The following ST7 variants were observed in gnomAD, a reference collection of about 807,000 sequenced individuals.
The protein encoded by ST7 is suppression of tumorigenicity 7, also known as suppressor of tumorigenicity 7 protein.
A neutral mutation model predicts 78.7 loss-of-function variants in ST7; 28 were observed. That is an observed-to-expected ratio of 0.36 (90% CI 0.26 to 0.49). The LOEUF (loss-of-function observed/expected upper bound fraction) is 0.49. ST7 is among the 20% of genes least tolerant of loss of function. The pLI, the probability that ST7 is intolerant of heterozygous loss-of-function variation, is 0.99. For missense variants in ST7, 418 were observed against 696.0 expected, an observed-to-expected ratio of 0.60 and a Z score of 4.49; for synonymous variants, 247 against 249.6, an observed-to-expected ratio of 0.99 and a Z score of 0.10.
intron 1 of ST7, among the ~76,000 whole-genome samples, chr7:117,056,748 C>T (rs1798084768): frequency 6.6e-6 from 1 of 152,026 alleles, no homozygotes; most frequent in Non-Finnish European, 1.5e-5. Context: ...AGAAATATAG[C>T]CAATCTATTG....
intron 1 of ST7, among the ~76,000 whole-genome samples, chr7:116,988,253 T>A (rs1032712742): frequency 1.3e-5 from 2 of 152,182 alleles, no homozygotes; most frequent in African/African-American, 4.8e-5. Context: ...AACTTGGAGG[T>A]CAGAGTGTTT....
intron 1 of ST7, chr7:117,020,692 G>A: frequency 6.5e-7 from 1 of 1,545,888 alleles, no homozygotes. Flanking sequence ...GGTTTCATTG[G>A]CTTAGAGTTC....
chr7:116,954,068 TC>T (rs1368337362), intron 1 of ST7: 2 of 151,784 alleles, frequency 1.3e-5, no homozygotes, highest in African/African-American at 4.8e-5. Context: ...CTCCGAGGGT[TC>T]CCCGGAGTTA....
intron 12 of ST7, among the ~76,000 whole-genome samples, chr7:117,208,399 C>T (rs543546591): frequency 1.3e-5 from 2 of 152,248 alleles, no homozygotes; most frequent in South Asian, 4.1e-4. Context: ...TATCAGTGTC[C>T]TCCTGCTGCT....
intron 12 of ST7, among the ~76,000 whole-genome samples, chr7:117,204,114 T>A (rs1791507581): frequency 6.6e-6 from 1 of 152,212 alleles, no homozygotes; most frequent in African/African-American, 2.4e-5. Flanking sequence ...TTAGCCCAGG[T>A]CTCTTCAACT....
chr7:117,214,155 C>T (rs935224804), intron 13 of ST7, among the ~76,000 whole-genome samples: 1 of 152,142 alleles, frequency 6.6e-6, no homozygotes, highest in East Asian at 1.9e-4. Flanking sequence ...GCCTGCCGAC[C>T]ACAACTGTGA....
At chr7:117,132,573 T>C (rs1195584410) in intron 6 of ST7, among the ~76,000 whole-genome samples, 2 of 151,686 alleles carry the variant, frequency 1.3e-5, no homozygotes, top group South Asian at 2.1e-4. Flanking sequence ...GAACCACCCA[T>C]CTGGTGCTTG....
intron 1 of ST7, chr7:117,076,677 A>G (rs1025756598): frequency 6.6e-5 from 10 of 152,524 alleles, no homozygotes; most frequent in African/African-American, 2.4e-4. Flanking sequence ...AGCTGGAGTG[A>G]GCACTTTTGG....
At chr7:117,114,935 C>G (rs906623743) in intron 2 of ST7, among the ~76,000 whole-genome samples, 2 of 152,236 alleles carry the variant, frequency 1.3e-5, no homozygotes, top group Non-Finnish European at 2.9e-5. Context: ...ACCTGGGTCT[C>G]TGCCCCCAGC....
chr7:117,002,639 CTGTGTGTGTGTGTGTGTGTG>C (rs140099821), intron 1 of ST7, among the ~76,000 whole-genome samples: 1 of 145,830 alleles, frequency 6.9e-6, no homozygotes, highest in African/African-American at 2.5e-5. Flanking sequence ...GTAGTTGAGG[CTGTGTGTGTGTGTGTGTGTG>C]TGTGTGTTTG....
chr7:117,169,694 T>C (rs1807838131), intron 9 of ST7, among the ~76,000 whole-genome samples: 1 of 152,172 alleles, frequency 6.6e-6, no homozygotes, highest in South Asian at 2.1e-4. Flanking sequence ...ATCTTGCTAC[T>C]GTACCTGGGC....
At chr7:116,991,623 A>G (rs1046248402) in intron 1 of ST7, among the ~76,000 whole-genome samples, 1 of 152,204 alleles carries the variant, frequency 6.6e-6, no homozygotes, top group African/African-American at 2.4e-5. Context: ...ACAATTCAAG[A>G]TGAGATTTGG....
At chr7:117,218,958 G>A (rs746522935) in intron 13 of ST7, 126 bp from the exon 14 acceptor site, 16 of 670,186 alleles carry the variant, frequency 2.4e-5, no homozygotes, top group Non-Finnish European at 3.7e-5. Flanking sequence ...ATAGCTTGGT[G>A]GGGTAAGCCT....
Position 117,219,272 on chromosome 7 carries a change from T to C in ST7, c.1498+96T>C. 1 of 985,066 alleles carries C rather than the reference T, an allele frequency of 1.0e-6. No homozygotes were observed. Among genetic ancestry groups the C allele is most frequent in the South Asian group, 1.6e-5 (1 of 62,948 alleles). The allele number at this position is 985,066 out of a possible 1,614,324, so 61.0% of individuals were successfully genotyped here. A position where few individuals can be genotyped will look rare whatever the true frequency, so the allele number is the denominator to read the frequency against. On this transcript the variant is annotated intron_variant, in intron 14 of 15. Coordinates refer to ENST00000323984, the MANE Select transcript of ST7 (RefSeq NM_001369598.1). This position sits in a 1 kb window ranked among gnomAD's most constrained non-coding sequence, Gnocchi z 5.1. ...CAAAGTTTAGAATGCTCCTTGTCTT[T>C]TATTACTTTTCTCCAAACCCCTGTC...
chr7:117,077,765 T>C (rs1248188561), intron 1 of ST7, among the ~76,000 whole-genome samples: 3 of 152,142 alleles, frequency 2.0e-5, no homozygotes, highest in Non-Finnish European at 4.4e-5. Context: ...AAAATACCTA[T>C]GTTATCAAAT....
chr7:117,059,684 T>C (rs943470791), intron 1 of ST7, among the ~76,000 whole-genome samples: 2 of 151,712 alleles, frequency 1.3e-5, no homozygotes, highest in African/African-American at 4.8e-5. Flanking sequence ...TTAAATCAGA[T>C]TCTTGGCCAG....
At position 117,170,989 on chromosome 7, in the gene ST7, G is replaced by T; in HGVS notation, c.1078+13G>T. ...GCAAAGTATGATGGTAAGTTCTTGG[G>T]TATTTTTATTTACTTGACTATTCCT... On this transcript the variant is annotated intron_variant, in intron 10 of 15. Coordinates refer to ENST00000323984, the MANE Select transcript of ST7 (RefSeq NM_001369598.1). The T allele has an allele frequency of 6.5e-7, 1 of 1,547,182 alleles. No homozygotes were observed. The highest frequency in any genetic ancestry group is 8.8e-7 in the Non-Finnish European group (1 of 1,130,514).
intron 8 of ST7, among the ~76,000 whole-genome samples, chr7:117,137,939 A>G (rs1033960716): frequency 3.3e-5 from 5 of 152,106 alleles, no homozygotes; most frequent in South Asian, 4.1e-4. Context: ...AATGTGTTAT[A>G]TTGCCATCTA....
intron 1 of ST7, among the ~76,000 whole-genome samples, chr7:117,043,171 TCTAGCTCTC>T: frequency 6.6e-6 from 1 of 152,352 alleles, no homozygotes; most frequent in South Asian, 2.1e-4. Context: ...TTGGATATTT[TCTAGCTCTC>T]TACTTCCTCA....
Sources: gnomAD v4.1 joint callset for allele counts (sites outside exome capture counted in the v4.1 genomes callset) on GRCh38, gnomAD v4.1.1 for gene constraint, Gnocchi (gnomAD v3.1) non-coding constraint, MANE v1.5 for transcripts, NCBI Gene and HGNC (gene_info 2026-07-23, HGNC 2026-07-21) for gene names.